Variants in PLCXD2 observed in about 807,000 individuals in gnomAD.
PLCXD2 encodes phosphatidylinositol specific phospholipase C X domain containing 2, also known as PI-PLC X domain-containing protein 2.
Under a neutral mutation model 28.6 loss-of-function variants are expected in PLCXD2, and 21 were observed. That is an observed-to-expected ratio of 0.73 (90% CI 0.52 to 1.06). The LOEUF is 1.06. Ranked by LOEUF, PLCXD2 falls within the 50% of genes least tolerant of loss-of-function variation. The pLI, the probability that PLCXD2 is intolerant of heterozygous loss-of-function variation, is 0.00. For synonymous variants in PLCXD2, 140 were observed against 150.1 expected (o/e 0.93, Z 0.49); for missense variants, 369 against 376.7 (o/e 0.98, Z 0.17).
intron 1 of PLCXD2, among the ~76,000 whole-genome samples, chr3:111,707,269 C>T (rs1373288339): frequency 2.6e-5 from 4 of 152,140 alleles, no homozygotes; most frequent in Non-Finnish European, 5.9e-5. Context: ...TTCCTACTGA[C>T]TCAGACTTTT....
chr3:111,685,426 C>A (rs1159534500), intron 1 of PLCXD2, among the ~76,000 whole-genome samples: 1 of 152,078 alleles, frequency 6.6e-6, no homozygotes, highest in Non-Finnish European at 1.5e-5. Context: ...TACCATAAAC[C>A]AGCTGTGAAA....
In PLCXD2 at chr3:111,714,048, C is replaced by T; in HGVS notation, c.786C>T (p.Val262=). The T allele has an allele frequency of 6.2e-7, 1 of 1,614,152 alleles. No homozygotes were observed. Among genetic ancestry groups the T allele is most frequent in the Non-Finnish European group, 8.5e-7 (1 of 1,180,026 alleles). ...GGGCCTCACGGGGCTCCTTCCATGT[C>T]TCCCAAGCGATCCTCACCCCCAGAG... Residue 262 remains valine (V), a synonymous_variant, in exon 3 of 5, where the codon GTC becomes GTT. Coordinates refer to ENST00000477665, the MANE Select transcript of PLCXD2 (RefSeq NM_001185106.1).
chr3:111,707,228 C>T (rs1173339895), intron 1 of PLCXD2, among the ~76,000 whole-genome samples: 2 of 152,140 alleles, frequency 1.3e-5, no homozygotes, highest in Non-Finnish European at 2.9e-5. Flanking sequence ...TTGAGCCCAT[C>T]GAAATGGTTA....
intron 1 of PLCXD2, among the ~76,000 whole-genome samples, chr3:111,705,595 CATA>C (rs1230765210): frequency 6.6e-6 from 1 of 152,022 alleles, no homozygotes; most frequent in African/African-American, 2.4e-5. Context: ...TACTGTCTTC[CATA>C]ATGACTGTAC....
chr3:111,707,943 A>G lies in PLCXD2; in HGVS notation c.181A>G (p.Ser61Gly), dbSNP rs904909132. 3.1e-6 allele frequency: 5 copies of G among 1,613,482 alleles called. No homozygotes were observed. The highest frequency in any genetic ancestry group is 4.2e-6 in the Non-Finnish European group (5 of 1,179,734). ...TTGTACAGGCTCACATGATTCATTCAGCTACTGGGTGGATGAAAAGTCCCC... is the reference window on the plus strand; with the variant it reads ...TTGTACAGGCTCACATGATTCATTCGGCTACTGGGTGGATGAAAAGTCCCC... The change falls in exon 2 of 5, where the codon AGC (serine) becomes GGC (glycine). Residue 61 changes from serine (S) to glycine (G), a missense_variant. Coordinates refer to ENST00000477665, the MANE Select transcript of PLCXD2 (RefSeq NM_001185106.1).
chr3:111,713,341 G>A (rs73852873), intron 2 of PLCXD2, among the ~76,000 whole-genome samples: 537 of 152,234 alleles, frequency 3.5e-3, no homozygotes, highest in African/African-American at 0.01. Flanking sequence ...GAGGGCAGGC[G>A]GTGACCCACA....
At chr3:111,678,634 T>C (rs1940661379) in intron 1 of PLCXD2, among the ~76,000 whole-genome samples, 1 of 152,194 alleles carries the variant, frequency 6.6e-6, no homozygotes. Context: ...GTTGCAAAAT[T>C]TATTGTTGAT....
chr3:111,708,361 G>C lies in PLCXD2; in HGVS notation c.599G>C (p.Arg200Pro), dbSNP rs201796337. The C allele has an allele frequency of 1.9e-6, 3 of 1,613,852 alleles. No homozygotes were observed. Among genetic ancestry groups the C allele is most frequent in the Admixed American group, 1.7e-5 (1 of 60,010 alleles). The stretch of plus-strand genomic sequence containing the variant: ...TGCAGTGTGGAAAGTTTGACGCTGC[G>C]AACTCTGTGGGAGAAGAACTGCCAG... The change falls in exon 2 of 5, where the codon CGA (arginine) becomes CCA (proline). Residue 200 changes from arginine to proline, a missense_variant. Physicochemically the swap from Arg to Pro is moderately radical, Grantham distance 103 (BLOSUM62 -2). Transcript: ENST00000477665.
chr3:111,722,570 T>G (rs148209498), intron 3 of PLCXD2: 20 of 152,350 alleles, frequency 1.3e-4, no homozygotes, highest in Admixed American at 1.1e-3. Flanking sequence ...GTGTGCACTT[T>G]GTTGCTCCTC....
intron 1 of PLCXD2, among the ~76,000 whole-genome samples, chr3:111,678,880 A>T (rs1481436842): frequency 6.6e-6 from 1 of 152,208 alleles, no homozygotes; most frequent in Non-Finnish European, 1.5e-5. Flanking sequence ...ATGCCTCTTC[A>T]AAACAAGAAA....
chr3:111,680,059 T>C (rs1328760549), intron 1 of PLCXD2, among the ~76,000 whole-genome samples: 1 of 152,200 alleles, frequency 6.6e-6, no homozygotes, highest in Non-Finnish European at 1.5e-5. Flanking sequence ...TTGCTAGTGA[T>C]CATTCCCTTC....
At chr3:111,703,199 G>A (rs1041557815) in intron 1 of PLCXD2, among the ~76,000 whole-genome samples, 3 of 152,206 alleles carry the variant, frequency 2.0e-5, no homozygotes, top group African/African-American at 7.2e-5. Flanking sequence ...GTCCTGTCCT[G>A]TAAAGGGGGT....
chr3:111,711,340 G>T (rs1328519529), intron 2 of PLCXD2, among the ~76,000 whole-genome samples: 3 of 152,212 alleles, frequency 2.0e-5, no homozygotes, highest in African/African-American at 4.8e-5. Flanking sequence ...GGAGGCAGAG[G>T]TTTCAGGGAG....
intron 2 of PLCXD2, among the ~76,000 whole-genome samples, chr3:111,713,632 A>AG: frequency 6.6e-6 from 1 of 152,330 alleles, no homozygotes; most frequent in East Asian, 1.9e-4. Context: ...AATTCTGAGA[A>AG]GGGGGTCCAT....
chr3:111,678,055 G>A (rs1021719380), intron 1 of PLCXD2, among the ~76,000 whole-genome samples: 5 of 152,168 alleles, frequency 3.3e-5, no homozygotes, highest in African/African-American at 9.7e-5. Flanking sequence ...TGAGGCGGGG[G>A]ACATGGGAAA....
intron 1 of PLCXD2, among the ~76,000 whole-genome samples, chr3:111,693,148 G>A (rs1223219243): frequency 1.3e-5 from 2 of 152,160 alleles, no homozygotes; most frequent in Non-Finnish European, 2.9e-5. Flanking sequence ...ATCACCAGGA[G>A]GTTTATATAG....
At chr3:111,720,994 G>A in intron 3 of PLCXD2, 1 of 405,382 alleles carries the variant, frequency 2.5e-6, no homozygotes, top group Non-Finnish European at 4.4e-6. Context: ...AGAGGAAGAT[G>A]GCTTTTTTTT....
intron 1 of PLCXD2, among the ~76,000 whole-genome samples, chr3:111,682,450 G>A (rs1343256947): frequency 6.6e-6 from 1 of 152,200 alleles, no homozygotes; most frequent in Non-Finnish European, 1.5e-5. Context: ...ACTGTCAGCT[G>A]TAAAGTATCA....
At chr3:111,684,760 G>A (rs538219623) in intron 1 of PLCXD2, among the ~76,000 whole-genome samples, 5 of 152,132 alleles carry the variant, frequency 3.3e-5, no homozygotes, top group African/African-American at 9.6e-5. Flanking sequence ...GATCACTCTC[G>A]CTGCAGCACA....
Sources: allele counts gnomAD v4.1 joint callset (sites outside exome capture counted in the v4.1 genomes callset), GRCh38; gene constraint gnomAD v4.1.1; transcripts MANE v1.5; gene names NCBI Gene and HGNC (gene_info 2026-07-23, HGNC 2026-07-21).